Variants in TLN2 observed in about 807,000 individuals in gnomAD.
TLN2 encodes the protein talin 2, also known as talin-2.
A neutral mutation model predicts 294.7 loss-of-function variants in TLN2; 118 were observed. The ratio of observed to expected loss-of-function variants is 0.40; its 90% CI spans 0.34 to 0.47. TLN2 has a LOEUF of 0.47. Among genes scored for constraint, TLN2 ranks in the 20% least tolerant of loss-of-function variants. The probability of loss-of-function intolerance (pLI) is 0.84; values close to 1 mark genes in which losing one functional copy is unlikely to be tolerated. For synonymous variants in TLN2, 1,431 were observed against 1,304.5 expected (o/e 1.10, Z -2.09); for missense variants, 3,083 against 3,282.2 (o/e 0.94, Z 1.48).
chr15:62,649,762 G>C (rs891266491), intron 4 of TLN2, among the ~76,000 whole-genome samples: 1 of 152,128 alleles, frequency 6.6e-6, no homozygotes, highest in South Asian at 2.1e-4. Context: ...GGTTTTTATA[G>C]CAAGGGATAG....
intron 1 of TLN2, among the ~76,000 whole-genome samples, chr15:62,467,458 C>T (rs1036751985): frequency 1.3e-5 from 2 of 151,980 alleles, no homozygotes; most frequent in Non-Finnish European, 2.9e-5. Context: ...TTTGGGAGGT[C>T]GAGGTGGGTG....
intron 9 of TLN2, among the ~76,000 whole-genome samples, chr15:62,665,910 CT>C (rs2054578161): frequency 6.6e-6 from 1 of 152,220 alleles, no homozygotes; most frequent in African/African-American, 2.4e-5. Flanking sequence ...TAAAAAGCCA[CT>C]TGCGTACTTC....
intron 1 of TLN2, among the ~76,000 whole-genome samples, chr15:62,570,663 T>G (rs1374519867): frequency 1.3e-5 from 2 of 152,162 alleles, no homozygotes; most frequent in Non-Finnish European, 1.5e-5. Context: ...CCGGATCATT[T>G]TTGTCATATG....
intron 54 of TLN2, among the ~76,000 whole-genome samples, chr15:62,825,836 A>T (rs10670863): frequency 5.2e-5 from 4 of 77,032 alleles, no homozygotes; most frequent in East Asian, 3.3e-4. Context: ...TATAATATAT[A>T]ATATATATAA....
At chr15:62,768,418 G>T (rs1006056622) in intron 41 of TLN2, among the ~76,000 whole-genome samples, 6 of 152,094 alleles carry the variant, frequency 3.9e-5, no homozygotes, top group African/African-American at 9.7e-5. Context: ...TGTCTCTTCT[G>T]TCTCTTAGAT....
chr15:62,678,071 A>T (rs2056431647), intron 11 of TLN2, among the ~76,000 whole-genome samples: 2 of 152,116 alleles, frequency 1.3e-5, no homozygotes, highest in African/African-American at 2.4e-5. Context: ...CTGGGATTAC[A>T]GGCGTGAGCC....
intron 1 of TLN2, among the ~76,000 whole-genome samples, chr15:62,560,236 C>T (rs968049452): frequency 1.3e-5 from 2 of 152,080 alleles, no homozygotes; most frequent in African/African-American, 2.4e-5. Context: ...TCTAATACTC[C>T]GTGTTTTTTT....
At chr15:62,747,522 TTTATCTTGTTCCATGGGG>T (rs2061682422) in intron 32 of TLN2, among the ~76,000 whole-genome samples, 1 of 152,220 alleles carries the variant, frequency 6.6e-6, no homozygotes, top group South Asian at 2.1e-4. Flanking sequence ...TTGTACATTT[TTTATCTTGTTCCATGGGG>T]TTATCTTGTT....
chr15:62,498,698 TG>T (rs1208710284), intron 1 of TLN2, among the ~76,000 whole-genome samples: 2 of 151,726 alleles, frequency 1.3e-5, no homozygotes, highest in African/African-American at 4.9e-5. Flanking sequence ...CAGTATCTGG[TG>T]GGATATCTTT....
chr15:62,638,273 A>G, intron 3 of TLN2: 1 of 326,088 alleles, frequency 3.1e-6, no homozygotes, highest in East Asian at 8.0e-5. Context: ...ATTAGGCATC[A>G]TCTTTAATAA....
chr15:62,800,718 G>C lies in TLN2; in HGVS notation c.6426G>C (p.Arg2142=). The change falls in exon 50 of 59, where the codon CGG becomes CGC. Residue 2142 remains arginine (R), a synonymous_variant. Transcript: ENST00000636159. ...AGGCAGTGGAGGATGAGGCCACCCG[G>C]GGCACCAGGGCGCTTGAGGCCACAA... ...TVKAVEDEAT[R]GTRALEATIE... 1.9e-6 allele frequency: 3 copies of C among 1,613,896 alleles called. No individual in the cohort carries two copies. The highest frequency in any genetic ancestry group is 2.5e-6 in the Non-Finnish European group (3 of 1,179,924).
chr15:62,473,235 A>C (rs544115540), intron 1 of TLN2, among the ~76,000 whole-genome samples: 6 of 152,104 alleles, frequency 3.9e-5, no homozygotes, highest in African/African-American at 1.4e-4. Flanking sequence ...GTCAGGCCCC[A>C]CCCCTTCACA....
At chr15:62,714,189 G>GTTTT (rs5813163) in intron 22 of TLN2, among the ~76,000 whole-genome samples, 2 of 96,400 alleles carry the variant, frequency 2.1e-5, no homozygotes, top group African/African-American at 7.7e-5. Flanking sequence ...CAATGTGCAC[G>GTTTT]TTTTTTTTTT....
chr15:62,516,021 A>C (rs2040174907), intron 1 of TLN2, among the ~76,000 whole-genome samples: 1 of 152,204 alleles, frequency 6.6e-6, no homozygotes. Context: ...GAGCCAATCA[A>C]GTGTGAATTT....
chr15:62,584,303 C>T (rs2045400342), intron 1 of TLN2, among the ~76,000 whole-genome samples: 1 of 152,136 alleles, frequency 6.6e-6, no homozygotes, highest in Non-Finnish European at 1.5e-5. Context: ...CCAGCTTTTG[C>T]CCCCTTTATA....
rs28513248 is a variant in TLN2 at position 62,612,403 on chromosome 15, A to G, written c.-161-5948A>G. Among the ~76,000 whole-genome samples the G allele has an allele frequency of 2.5e-3, 388 of 152,174 alleles. 4 individuals are homozygous for G. Among genetic ancestry groups the G allele is most frequent in the African/African-American group, 9.1e-3 (378 of 41,524 alleles). On this transcript the variant is annotated intron_variant, in intron 2 of 58. Coordinates refer to ENST00000636159, the MANE Select transcript of TLN2 (RefSeq NM_015059.3). ...AATGCAGGTGCTATCCTTGGTCCCT[A>G]TTGTACTCTTAGGCTTTCTGTAGAC... is the stretch of plus-strand genomic sequence containing the variant.
intron 1 of TLN2, among the ~76,000 whole-genome samples, chr15:62,444,753 G>A (rs1337767200): frequency 2.0e-5 from 3 of 152,198 alleles, no homozygotes; most frequent in Non-Finnish European, 4.4e-5. Flanking sequence ...TTGTATTACT[G>A]TTTTTCCCAT....
intron 1 of TLN2, among the ~76,000 whole-genome samples, chr15:62,521,989 G>A (rs1435672395): frequency 6.6e-6 from 1 of 152,128 alleles, no homozygotes; most frequent in Non-Finnish European, 1.5e-5. Context: ...AATACTGGTC[G>A]TTTTGCCTAA....
At chr15:62,457,709 GA>G (rs1344245232) in intron 1 of TLN2, among the ~76,000 whole-genome samples, 1 of 152,192 alleles carries the variant, frequency 6.6e-6, no homozygotes, top group Non-Finnish European at 1.5e-5. Flanking sequence ...TGACAAAGGG[GA>G]GGAGTGCAAG....
Sources: gnomAD v4.1 joint callset for allele counts (sites outside exome capture counted in the v4.1 genomes callset) on GRCh38, gnomAD v4.1.1 for gene constraint, MANE v1.5 for transcripts, NCBI Gene and HGNC (gene_info 2026-07-23, HGNC 2026-07-21) for gene names.